The following CERS6 variants were observed in gnomAD, a reference collection of about 807,000 sequenced individuals.
The protein encoded by CERS6 is LAG1 homolog, ceramide synthase 6.
A neutral mutation model predicts 56.8 loss-of-function variants in CERS6; 26 were observed. The ratio of observed to expected loss-of-function variants is 0.46; its 90% confidence interval spans 0.34 to 0.63. The LOEUF (loss-of-function observed/expected upper bound fraction) is 0.63. CERS6 is among the 30% of genes least tolerant of loss of function. The pLI is 0.01. For missense variants in CERS6, 415 were observed against 467.5 expected, an observed-to-expected ratio of 0.89 and a Z score of 1.04; for synonymous variants, 164 against 173.3, an observed-to-expected ratio of 0.95 and a Z score of 0.42.
intron 1 of CERS6, among the ~76,000 whole-genome samples, chr2:168,489,058 C>T (rs1028822862): frequency 7.9e-5 from 12 of 152,106 alleles, no homozygotes; most frequent in Admixed American, 6.6e-5. Flanking sequence ...GCCTGAAGCA[C>T]GCTCCTTAGC....
chr2:168,479,747 T>A (rs1024438287), intron 1 of CERS6, among the ~76,000 whole-genome samples: 1 of 152,206 alleles, frequency 6.6e-6, no homozygotes, highest in African/African-American at 2.4e-5. Context: ...TAGCTGGGAT[T>A]ACAGGCATGT....
At chr2:168,673,391 G>A (rs1685971837) in intron 4 of CERS6, among the ~76,000 whole-genome samples, 1 of 152,110 alleles carries the variant, frequency 6.6e-6, no homozygotes, top group African/African-American at 2.4e-5. Context: ...AATTACACTG[G>A]ATAAATTGGG....
intron 6 of CERS6, among the ~76,000 whole-genome samples, chr2:168,701,765 G>A (rs775542555): frequency 4.6e-5 from 7 of 152,104 alleles, no homozygotes; most frequent in Admixed American, 3.3e-4. Context: ...CAGCCCTTTG[G>A]GAGTCTGAGG....
chr2:168,479,235 A>G (rs902571141), intron 1 of CERS6, among the ~76,000 whole-genome samples: 5 of 152,228 alleles, frequency 3.3e-5, no homozygotes, highest in Non-Finnish European at 4.4e-5. Flanking sequence ...CTGAGTTAAA[A>G]TAAATGACTT....
intron 4 of CERS6, among the ~76,000 whole-genome samples, chr2:168,645,134 T>G (rs1574125006): frequency 2.6e-5 from 1 of 38,832 alleles, no homozygotes; most frequent in Non-Finnish European, 4.4e-5. Flanking sequence ...TATATATATA[T>G]ATATATATAG....
intron 4 of CERS6, among the ~76,000 whole-genome samples, chr2:168,670,086 A>C (rs1685870280): frequency 6.6e-6 from 1 of 152,174 alleles, no homozygotes; most frequent in South Asian, 2.1e-4. Context: ...AAAATCAATG[A>C]CATCTATTCC....
At chr2:168,553,486 C>CT (rs76873311) in intron 2 of CERS6, among the ~76,000 whole-genome samples, 3,158 of 152,122 alleles carry the variant, frequency 0.021, 119 homozygotes, top group East Asian at 0.18. Context: ...AATCAGATCT[C>CT]TTTTTTTAGG....
intron 6 of CERS6, among the ~76,000 whole-genome samples, chr2:168,711,094 T>C (rs745839533): frequency 1.3e-5 from 2 of 152,222 alleles, no homozygotes; most frequent in Non-Finnish European, 2.9e-5. Context: ...GAAACTAATA[T>C]ACTGTTTATC....
chr2:168,716,325 T>C (rs1687225351), intron 7 of CERS6, among the ~76,000 whole-genome samples: 1 of 152,144 alleles, frequency 6.6e-6, no homozygotes, highest in Admixed American at 6.5e-5. Flanking sequence ...TAAGTTTGCT[T>C]GAATGTAGAA....
At chr2:168,612,095 T>G (rs950885705) in intron 3 of CERS6, among the ~76,000 whole-genome samples, 5 of 152,244 alleles carry the variant, frequency 3.3e-5, no homozygotes, top group Admixed American at 1.3e-4. Context: ...CTACATACTT[T>G]ACAAGTATTG....
At chr2:168,668,163 T>A (rs1413422035) in intron 4 of CERS6, among the ~76,000 whole-genome samples, 2 of 152,206 alleles carry the variant, frequency 1.3e-5, no homozygotes, top group African/African-American at 4.8e-5. Context: ...TCTTTTCTGA[T>A]TTTCTTCTTG....
intron 4 of CERS6, among the ~76,000 whole-genome samples, chr2:168,671,090 A>G (rs1685905775): frequency 6.6e-6 from 1 of 150,820 alleles, no homozygotes; most frequent in Non-Finnish European, 1.5e-5. Flanking sequence ...CCTCCCGAGT[A>G]GCTGGGACTA....
At chr2:168,666,957 T>C (rs1486638688) in intron 4 of CERS6, among the ~76,000 whole-genome samples, 1 of 152,228 alleles carries the variant, frequency 6.6e-6, no homozygotes, top group Non-Finnish European at 1.5e-5. Flanking sequence ...TATTGTGCTA[T>C]ATCATGCCAG....
chr2:168,572,672 T>C (rs145774977), intron 3 of CERS6, among the ~76,000 whole-genome samples: 3 of 152,160 alleles, frequency 2.0e-5, no homozygotes, highest in Admixed American at 1.3e-4. Flanking sequence ...CTCCAACTTA[T>C]GAAGGGCTGG....
In CERS6 at chr2:168,765,641, C is replaced by G; in HGVS notation, c.895C>G (p.Pro299Ala). The change falls in exon 9 of 10, where the codon CCT (proline) becomes GCT (alanine). Residue 299 changes from proline to alanine, a missense_variant. Physicochemically the swap from Pro to Ala is conservative, Grantham distance 27. Transcript: ENST00000305747. ...FESWEIVGPYPSWWVFNLLLL... is the reference protein window; with the variant it reads ...FESWEIVGPYASWWVFNLLLL... Reference sequence around the variant, plus strand: ...AAGCTGGGAGATCGTTGGACCTTACCCTTCCTGGTGGGTTTTTAACCTACT... The same window carrying G: ...AAGCTGGGAGATCGTTGGACCTTACGCTTCCTGGTGGGTTTTTAACCTACT... 6.2e-7 allele frequency: 1 copy of G among 1,614,012 alleles called. No individual in the cohort carries two copies. The highest frequency in any genetic ancestry group is 2.2e-5 in the East Asian group (1 of 44,874).
intron 3 of CERS6, among the ~76,000 whole-genome samples, chr2:168,606,719 A>C (rs1020429787): frequency 6.6e-6 from 1 of 152,230 alleles, no homozygotes; most frequent in East Asian, 1.9e-4. Flanking sequence ...CCCAAATCTC[A>C]TACTGATATG....
At chr2:168,557,444 A>G (rs1281841770) in intron 2 of CERS6, among the ~76,000 whole-genome samples, 1 of 152,204 alleles carries the variant, frequency 6.6e-6, no homozygotes, top group East Asian at 1.9e-4. Flanking sequence ...TAATTCTGAA[A>G]TTCATTTAGA....
chr2:168,587,314 G>A (rs867564264), intron 3 of CERS6, among the ~76,000 whole-genome samples: 2 of 152,298 alleles, frequency 1.3e-5, no homozygotes, highest in African/African-American at 4.8e-5. Flanking sequence ...TGGATTTCAT[G>A]AAATTGTGTT....
chr2:168,540,398 C>G (rs945530972), intron 1 of CERS6, among the ~76,000 whole-genome samples: 2 of 152,192 alleles, frequency 1.3e-5, no homozygotes. Flanking sequence ...GAAGCAGGCA[C>G]CTTCTTCACA....
Sources: allele counts gnomAD v4.1 joint callset (sites outside exome capture counted in the v4.1 genomes callset), GRCh38; gene constraint gnomAD v4.1.1; transcripts MANE v1.5; gene names NCBI Gene and HGNC (gene_info 2026-07-23, HGNC 2026-07-21).